Variants in CDC14B observed in about 807,000 individuals in gnomAD.
The protein encoded by CDC14B is dual specificity protein phosphatase CDC14B.
CDC14B carries 22 observed loss-of-function variants against 64.2 expected under a neutral mutation model. The observed-to-expected ratio is 0.34, with a 90% CI of 0.24 to 0.49. The LOEUF (loss-of-function observed/expected upper bound fraction) is 0.49. Ranked by LOEUF, CDC14B falls within the 20% of genes least tolerant of loss-of-function variation. The pLI is 0.99. For missense variants in CDC14B, 498 were observed against 629.9 expected, an observed-to-expected ratio of 0.79 and a Z score of 2.24; for synonymous variants, 191 against 215.8, an observed-to-expected ratio of 0.89 and a Z score of 1.01.
At chr9:96,514,727 G>A (rs879170642) in intron 12 of CDC14B, 5 of 985,458 alleles carry the variant, frequency 5.1e-6, no homozygotes, top group Non-Finnish European at 6.0e-6. Flanking sequence ...CTTCAGAGAA[G>A]GAAGAACGCA....
intron 5 of CDC14B, among the ~76,000 whole-genome samples, chr9:96,546,483 CTT>C (rs922916574): frequency 1.9e-4 from 29 of 150,346 alleles, no homozygotes; most frequent in Non-Finnish European, 3.8e-4. Flanking sequence ...GAGTTTCGCT[CTT>C]GTCGCCCAGG....
intron 1 of CDC14B, among the ~76,000 whole-genome samples, chr9:96,596,935 T>C (rs970553821): frequency 1.3e-5 from 2 of 151,424 alleles, no homozygotes; most frequent in African/African-American, 4.9e-5. Flanking sequence ...GATAATTATA[T>C]GTTAAGGAGA....
chr9:96,616,956 C>A (rs1847670310), intron 1 of CDC14B, among the ~76,000 whole-genome samples: 1 of 152,040 alleles, frequency 6.6e-6, no homozygotes, highest in Non-Finnish European at 1.5e-5. Flanking sequence ...CTGCAACAGA[C>A]TGATTAAGTA....
At chr9:96,528,647 G>A (rs1225858041) in intron 9 of CDC14B, among the ~76,000 whole-genome samples, 2 of 152,172 alleles carry the variant, frequency 1.3e-5, no homozygotes, top group East Asian at 1.9e-4. Context: ...GCTGAATGAC[G>A]TTAATTTTTT....
chr9:96,587,873 G>A (rs530712856), intron 1 of CDC14B, among the ~76,000 whole-genome samples: 2 of 151,928 alleles, frequency 1.3e-5, no homozygotes, highest in African/African-American at 4.8e-5. Context: ...CCAACTCCCC[G>A]CCCCGCCCCC....
chr9:96,537,759 G>A (rs1839492012), intron 7 of CDC14B, among the ~76,000 whole-genome samples: 1 of 152,084 alleles, frequency 6.6e-6, no homozygotes, highest in South Asian at 2.1e-4. Flanking sequence ...ATCTTGCTCT[G>A]TCACCCAGGC....
chr9:96,590,750 T>A (rs1249936604), intron 1 of CDC14B, among the ~76,000 whole-genome samples: 1 of 152,098 alleles, frequency 6.6e-6, no homozygotes, highest in Admixed American at 6.6e-5. Context: ...TTTTCTTTTT[T>A]AGAGATGGGG....
rs1367413274 is a variant in CDC14B, at chr9:96,533,787, C to A, written c.946+140G>T. 6 of 555,626 alleles carry A rather than the reference C, an allele frequency of 1.1e-5. No homozygotes were observed. In the African/African-American group the frequency reaches 1.1e-4, roughly 10 times the overall value. 34.4% of individuals were successfully genotyped at this position (555,626 alleles called of 1,614,324 possible). ...GAAAATAAGTTACTATACTTTTCAT[C>A]TGAAATCAAAGGTTTCACGGCACTC... On this transcript the variant is annotated intron_variant, in intron 9 of 13. Transcript: ENST00000375241.
intron 1 of CDC14B, among the ~76,000 whole-genome samples, chr9:96,570,933 A>T (rs2117997722): frequency 6.6e-6 from 1 of 152,276 alleles, no homozygotes; most frequent in Non-Finnish European, 1.5e-5. Flanking sequence ...CCCAAATATA[A>T]ATCAACAGTA....
At chr9:96,597,767 A>T (rs1334193119) in intron 1 of CDC14B, among the ~76,000 whole-genome samples, 1 of 152,194 alleles carries the variant, frequency 6.6e-6, no homozygotes, top group African/African-American at 2.4e-5. Context: ...TAGAAATGCT[A>T]ACTACTACAT....
intron 1 of CDC14B, among the ~76,000 whole-genome samples, chr9:96,602,865 T>C (rs928542735): frequency 3.5e-4 from 53 of 152,042 alleles, no homozygotes; most frequent in African/African-American, 1.3e-3. Context: ...ACCTATATCA[T>C]AGAAACTTTA....
At chr9:96,519,555 G>T (rs1042298572) in intron 12 of CDC14B, among the ~76,000 whole-genome samples, 1 of 151,946 alleles carries the variant, frequency 6.6e-6, no homozygotes, top group South Asian at 2.1e-4. Context: ...GGCCAACATG[G>T]TGAAACCTTG....
Position 96,522,393 on chromosome 9 carries a change from A to G in CDC14B, c.1343+113T>C, listed in dbSNP as rs1836870495. The G allele has an allele frequency of 4.0e-6, 3 of 754,814 alleles. No individual in the cohort carries two copies. In the East Asian group the frequency reaches 7.5e-5, roughly 19 times the overall value. 46.8% of individuals were successfully genotyped at this position (754,814 alleles called of 1,614,324 possible). A position where few individuals can be genotyped will look rare whatever the true frequency, so the allele number is the denominator to read the frequency against. On this transcript the variant is annotated intron_variant, in intron 12 of 13. Coordinates refer to ENST00000375241, the MANE Select transcript of CDC14B (RefSeq NM_033331.4). ...TTAAATAACATAGGCAAGCATTTCAAAGTGGCATCATGGGCTTGCAACTAT... is the reference window on the plus strand; with the variant it reads ...TTAAATAACATAGGCAAGCATTTCAGAGTGGCATCATGGGCTTGCAACTAT...
chr9:96,507,324 A>G (rs1169808198), intron 13 of CDC14B, among the ~76,000 whole-genome samples: 3 of 151,988 alleles, frequency 2.0e-5, no homozygotes, highest in Non-Finnish European at 4.4e-5. Flanking sequence ...AAAAAAAAAA[A>G]AAAAAGCCTG....
intron 1 of CDC14B, among the ~76,000 whole-genome samples, chr9:96,571,279 G>A (rs1273303378): frequency 1.3e-5 from 2 of 151,830 alleles, no homozygotes; most frequent in Non-Finnish European, 2.9e-5. Context: ...GGGTTCAAGC[G>A]ATTCTCCTGC....
rs376369522 is a variant in CDC14B, at chr9:96,509,791, T to C, written c.1344-2A>G. The C allele has an allele frequency of 3.2e-5, 50 of 1,542,272 alleles. 1 individual carries two copies. The highest frequency in any genetic ancestry group is 4.1e-5 in the Non-Finnish European group (46 of 1,118,798). The stretch of plus-strand genomic sequence containing the variant: ...TGAACACTGGATTGAAGAATTACTC[T>C]GAAAATAGTTGGAAAAAAATAAGAT... On this transcript the variant is annotated splice_acceptor_variant, in intron 12 of 13. Transcript: ENST00000375241. LOFTEE classifies it high-confidence loss of function.
intron 6 of CDC14B, among the ~76,000 whole-genome samples, chr9:96,541,032 T>C (rs943133854): frequency 6.6e-6 from 1 of 152,248 alleles, no homozygotes; most frequent in Admixed American, 6.5e-5. Context: ...CAAGCCACCA[T>C]GTTTCATTAT....
At chr9:96,566,780 C>G in intron 1 of CDC14B, 1 of 1,607,502 alleles carries the variant, frequency 6.2e-7, no homozygotes, top group South Asian at 1.1e-5. Flanking sequence ...TTGATCACCT[C>G]GGCTACCAAA....
intron 12 of CDC14B, among the ~76,000 whole-genome samples, chr9:96,518,168 T>G (rs964835669): frequency 3.9e-5 from 6 of 152,330 alleles, no homozygotes; most frequent in South Asian, 4.1e-4. Flanking sequence ...TGGAAATGGC[T>G]GATTTGGCTT....
Sources: gnomAD v4.1 joint callset for allele counts (sites outside exome capture counted in the v4.1 genomes callset) on GRCh38, gnomAD v4.1.1 for gene constraint, MANE v1.5 for transcripts, NCBI Gene and HGNC (gene_info 2026-07-23, HGNC 2026-07-21) for gene names.